The following CACNA1C variants were observed in gnomAD, a reference collection of about 807,000 sequenced individuals.
CACNA1C encodes the protein calcium voltage-gated channel subunit alpha1 C, also known as voltage-dependent L-type calcium channel subunit alpha-1C.
In CACNA1C, 30 loss-of-function variants were observed where a neutral mutation model predicts 229.0. That is an observed-to-expected ratio of 0.13 (90% CI 0.10 to 0.18). CACNA1C has a LOEUF of 0.18. Among genes scored for constraint, CACNA1C ranks in the 10% least tolerant of loss-of-function variants. The pLI is 1.00. For missense variants in CACNA1C, 1,658 were observed against 2,845.0 expected, an observed-to-expected ratio of 0.58 and a Z score of 9.49; for synonymous variants, 1,114 against 1,132.5, an observed-to-expected ratio of 0.98 and a Z score of 0.33.
chr12:2,061,656 A>G (rs1451411587), intron 1 of CACNA1C, among the ~76,000 whole-genome samples: 1 of 152,100 alleles, frequency 6.6e-6, no homozygotes, highest in Non-Finnish European at 1.5e-5. Context: ...GCCACCACAC[A>G]TGGCTGCCTG....
chr12:2,480,729 C>G (rs1054701331), intron 5 of CACNA1C, among the ~76,000 whole-genome samples: 7 of 152,234 alleles, frequency 4.6e-5, no homozygotes, highest in African/African-American at 1.7e-4. Context: ...TGATTCTCAG[C>G]ACTGTCTTCT....
chr12:2,102,106 G>A (rs748670755), intron 1 of CACNA1C, among the ~76,000 whole-genome samples: 10 of 152,142 alleles, frequency 6.6e-5, no homozygotes, highest in African/African-American at 1.9e-4. Context: ...CCCTCCTGTT[G>A]GGAACAAGAA....
chr12:2,069,443 TTGTG>T (rs2060444752), intron 1 of CACNA1C, among the ~76,000 whole-genome samples: 1 of 152,114 alleles, frequency 6.6e-6, no homozygotes, highest in South Asian at 2.1e-4. Context: ...GGATGTGCAT[TTGTG>T]TGTGTCAGAG....
rs2096024987 is a variant in CACNA1C at position 2,665,347 on chromosome 12, G to A, written c.4399-234G>A. Among the ~76,000 whole-genome samples, 1 of 152,238 alleles carries A rather than the reference G, an allele frequency of 6.6e-6. No individual in the cohort carries two copies. The highest frequency in any genetic ancestry group is 2.1e-4 in the South Asian group (1 of 4,834). ...CTGTCCTGCACAGCCCTGCCCAGCAGCTCGGTAGGAGGGAAGCTGTCCAGC... is the reference window on the plus strand; with the variant it reads ...CTGTCCTGCACAGCCCTGCCCAGCAACTCGGTAGGAGGGAAGCTGTCCAGC... On this transcript the variant is annotated intron_variant, in intron 35 of 46. Transcript: ENST00000399655. The surrounding 1 kb of genome is among the most constrained non-coding windows in gnomAD (Gnocchi z 5.9).
chr12:2,115,161 A>G, intron 1 of CACNA1C, 63 bp from the exon 2 acceptor site: 1 of 1,249,688 alleles, frequency 8.0e-7, no homozygotes, highest in Middle Eastern at 1.9e-4. Context: ...GGGTCCAGAG[A>G]GTGTCGGAAG....
chr12:2,691,234 T>G lies in CACNA1C; in HGVS notation c.*35T>G. On this transcript the variant is annotated 3_prime_UTR_variant, in exon 47 of 47. Coordinates refer to ENST00000399655, the MANE Select transcript of CACNA1C (RefSeq NM_000719.7). ...CCAGATGCGGGCTTTTTTTTATTTG[T>G]TTCAATGTTCCTAATGGGTTCGTTT... 6.6e-7 allele frequency: 1 copy of G among 1,508,336 alleles called. No homozygotes were observed. The highest frequency in any genetic ancestry group is 8.8e-7 in the Non-Finnish European group (1 of 1,130,456). The allele number at this position is 1,508,336 out of a possible 1,614,324, so 93.4% of individuals were successfully genotyped here. A position where few individuals can be genotyped will look rare whatever the true frequency, so the allele number is the denominator to read the frequency against.
chr12:2,324,837 G>T (rs16929250), intron 3 of CACNA1C, among the ~76,000 whole-genome samples: 1 of 152,122 alleles, frequency 6.6e-6, no homozygotes. Flanking sequence ...TGCTCTCCAT[G>T]TGATGAACTC....
rs186692112 is a variant in CACNA1C at position 2,120,467 on chromosome 12, C to T, written c.477+37C>T. 1.9e-5 allele frequency: 21 copies of T among 1,106,922 alleles called. No homozygotes were observed. In the East Asian group the frequency reaches 3.5e-4, roughly 19 times the overall value. The allele number at this position is 1,106,922 out of a possible 1,614,324, so 68.6% of individuals were successfully genotyped here. On this transcript the variant is annotated intron_variant, in intron 3 of 46. Coordinates refer to ENST00000399655, the MANE Select transcript of CACNA1C (RefSeq NM_000719.7). ...ATCCTCAAGTCTCTGCTTTTTCACT[C>T]GATGGAGAACTGCGTTCAGATCACA...
chr12:2,686,493 G>C (rs2097501024), intron 45 of CACNA1C, among the ~76,000 whole-genome samples: 1 of 152,246 alleles, frequency 6.6e-6, no homozygotes, highest in Non-Finnish European at 1.5e-5. Flanking sequence ...GGAAGTGCTG[G>C]TGCACAGGAG....
In CACNA1C at chr12:2,198,838, A is replaced by G. The variant is rs76233786; in HGVS notation, c.477+78408A>G. Reference sequence around the variant, plus strand: ...TAATAATCTTAGGTGATTTTTTTTAAGTTTTCAAGGTGAGGATGCATTTTA... The same window carrying G: ...TAATAATCTTAGGTGATTTTTTTTAGGTTTTCAAGGTGAGGATGCATTTTA... On this transcript the variant is annotated intron_variant, in intron 3 of 46. Transcript: ENST00000399655. Among the ~76,000 whole-genome samples, 1,021 of 152,158 alleles carry G rather than the reference A, an allele frequency of 6.7e-3. 7 individuals carry two copies. Among genetic ancestry groups the G allele is most frequent in the African/African-American group, 0.023 (936 of 41,482 alleles).
chr12:2,462,271 T>G (rs758232), intron 5 of CACNA1C, among the ~76,000 whole-genome samples: 1 of 133,928 alleles, frequency 7.5e-6, no homozygotes, highest in Non-Finnish European at 1.6e-5. Context: ...CATACAGGCC[T>G]GCACACTTCC....
At chr12:2,433,110 T>C (rs1300163238) in intron 3 of CACNA1C, among the ~76,000 whole-genome samples, 1 of 152,162 alleles carries the variant, frequency 6.6e-6, no homozygotes, top group Non-Finnish European at 1.5e-5. Context: ...ATGGTAAGGG[T>C]GTCCAGGCTG....
At chr12:2,337,543 A>G (rs2096735881) in intron 3 of CACNA1C, among the ~76,000 whole-genome samples, 4 of 152,132 alleles carry the variant, frequency 2.6e-5, no homozygotes, top group South Asian at 2.1e-4. Context: ...TCCCTAAATA[A>G]CAAAGTCCTG....
chr12:2,640,685 A>G (rs2153601479), intron 30 of CACNA1C, among the ~76,000 whole-genome samples: 1 of 152,300 alleles, frequency 6.6e-6, no homozygotes, highest in Admixed American at 6.5e-5. Context: ...ACTGGTCCCA[A>G]GTCTTCCCCA....
At chr12:2,171,040 C>A (rs770692348) in intron 3 of CACNA1C, among the ~76,000 whole-genome samples, 2 of 152,248 alleles carry the variant, frequency 1.3e-5, no homozygotes, top group African/African-American at 2.4e-5. Context: ...GTTCCTTTAC[C>A]GTGGATGGCT....
chr12:2,490,455 C>A (rs999572270), intron 6 of CACNA1C, among the ~76,000 whole-genome samples: 1 of 152,212 alleles, frequency 6.6e-6, no homozygotes, highest in Non-Finnish European at 1.5e-5. Flanking sequence ...AAGATGCAAG[C>A]TTCCCCTTCA....
chr12:2,075,621 T>C (rs1012420211), intron 1 of CACNA1C, among the ~76,000 whole-genome samples: 8 of 152,258 alleles, frequency 5.3e-5, no homozygotes, highest in African/African-American at 1.9e-4. Context: ...GAGATCTTTC[T>C]TGCTTGCTTA....
intron 13 of CACNA1C, among the ~76,000 whole-genome samples, chr12:2,573,956 T>C (rs2057385720): frequency 6.6e-6 from 1 of 152,216 alleles, no homozygotes; most frequent in Admixed American, 6.5e-5. Flanking sequence ...ACATTTTTTG[T>C]GTTTTGTCAA....
intron 1 of CACNA1C, among the ~76,000 whole-genome samples, chr12:2,112,249 G>A (rs1244741904): frequency 6.6e-6 from 1 of 152,132 alleles, no homozygotes; most frequent in African/African-American, 2.4e-5. Flanking sequence ...TGCTTTGGGT[G>A]CCTTCATTAA....
Sources: allele counts gnomAD v4.1 joint callset (sites outside exome capture counted in the v4.1 genomes callset), GRCh38; gene constraint gnomAD v4.1.1; non-coding constraint Gnocchi (gnomAD v3.1); transcripts MANE v1.5; gene names NCBI Gene and HGNC (gene_info 2026-07-23, HGNC 2026-07-21).